CCDC42: variants seen among roughly 807,000 people sequenced by gnomAD.
CCDC42 encodes the protein coiled-coil domain-containing protein 42.
Under a neutral mutation model 40.8 loss-of-function variants are expected in CCDC42, and 38 were observed. The observed-to-expected ratio is 0.93, with a 90% CI of 0.72 to 1.22. The LOEUF (loss-of-function observed/expected upper bound fraction) is 1.22. CCDC42 is among the 50% of genes most tolerant of loss of function. The probability of loss-of-function intolerance (pLI) is 0.00; values close to 1 mark genes in which losing one functional copy is unlikely to be tolerated. For missense variants in CCDC42, 379 were observed against 416.5 expected, an observed-to-expected ratio of 0.91 and a Z score of 0.78; for synonymous variants, 135 against 157.5, an observed-to-expected ratio of 0.86 and a Z score of 1.07.
At chr17:8,741,409 C>A in intron 4 of CCDC42, 65 bp downstream of exon 4, 1 of 1,500,094 alleles carries the variant, frequency 6.7e-7, no homozygotes, top group South Asian at 1.1e-5. Context: ...TGGCCCCAGG[C>A]CCCGGGGAAG....
At chr17:8,741,325 G>A (rs757884843) in intron 4 of CCDC42, 149 bp downstream of exon 4, 30 of 763,414 alleles carry the variant, frequency 3.9e-5, no homozygotes, top group Non-Finnish European at 6.6e-5. Flanking sequence ...TCGGAGCAGG[G>A]TGCCCATCCT....
intron 2 of CCDC42, 26 bp downstream of exon 2, chr17:8,744,053 T>C: frequency 1.6e-5 from 20 of 1,281,866 alleles, no homozygotes; most frequent in South Asian, 3.7e-5. Flanking sequence ...TTCCTGCCCC[T>C]CTGCACTCCA....
rs781487670 is a variant in CCDC42 at position 8,735,672 on chromosome 17, G to A, written c.493-61C>T. 5.8e-5 allele frequency: 84 copies of A among 1,436,038 alleles called. No individual in the cohort carries two copies. The Admixed American group carries it at 9.4e-4, about 16-fold the overall frequency. The allele number at this position is 1,436,038 out of a possible 1,614,324, so 89.0% of individuals were successfully genotyped here. On this transcript the variant is annotated intron_variant, in intron 4 of 6. Transcript: ENST00000293845. This position sits in a 1 kb window ranked among gnomAD's most constrained non-coding sequence, Gnocchi z 4.7. Reference sequence around the variant, plus strand: ...CCCTGGGGCCTGAGGGAGCCACCCAGTCCTGCCAACCTCCAGCCTGGATGC... The same window carrying A: ...CCCTGGGGCCTGAGGGAGCCACCCAATCCTGCCAACCTCCAGCCTGGATGC...
At chr17:8,732,606 C>G (rs1052353289) in intron 6 of CCDC42, among the ~76,000 whole-genome samples, 19 of 152,288 alleles carry the variant, frequency 1.2e-4, no homozygotes, top group African/African-American at 4.6e-4. Context: ...GTCACATGCC[C>G]CAAAGGAGTC....
At position 8,744,067 on chromosome 17, in the gene CCDC42, C is replaced by T; in HGVS notation, c.189+12G>A. Reference sequence around the variant, plus strand: ...TTTCCTGCCCCTCTGCACTCCATCCCTGAGTCCCCACCTTCTTCTTCTGCA... The same window carrying T: ...TTTCCTGCCCCTCTGCACTCCATCCTTGAGTCCCCACCTTCTTCTTCTGCA... On this transcript the variant is annotated intron_variant, in intron 2 of 6. Coordinates refer to ENST00000293845, the MANE Select transcript of CCDC42 (RefSeq NM_144681.3). The T allele has an allele frequency of 6.2e-7, 1 of 1,603,102 alleles. No individual in the cohort carries two copies. Among genetic ancestry groups the T allele is most frequent in the Admixed American group, 1.7e-5 (1 of 59,462 alleles).
In CCDC42 at chr17:8,735,295, GTGTGTGTGTGTTTGTGTGTA is replaced by G; in HGVS notation, c.715-61_715-42del. On this transcript the variant is annotated intron_variant, in intron 5 of 6. Coordinates refer to ENST00000293845, the MANE Select transcript of CCDC42 (RefSeq NM_144681.3). This position sits in a 1 kb window ranked among gnomAD's most constrained non-coding sequence, Gnocchi z 4.7. ...GGACGGGGCATGAGCACAGCATGTGGTGTGTGTGTGTTTGTGTGTATGTGTGTGTGTGTATGCTCAGGGCC... is the reference window on the plus strand; with the variant it reads ...GGACGGGGCATGAGCACAGCATGTGGTGTGTGTGTGTGTATGCTCAGGGCC... 1.2e-6 allele frequency: 2 copies of G among 1,603,874 alleles called. No individual in the cohort carries two copies. The highest frequency in any genetic ancestry group is 1.7e-6 in the Non-Finnish European group (2 of 1,171,852).
chr17:8,732,367 A>G (rs1264580836), intron 6 of CCDC42, among the ~76,000 whole-genome samples: 1 of 151,432 alleles, frequency 6.6e-6, no homozygotes, highest in Non-Finnish European at 1.5e-5. Context: ...AAATAAAAAA[A>G]GGATTTCAGT....
At chr17:8,742,137 G>C (rs2086649578) in intron 3 of CCDC42, among the ~76,000 whole-genome samples, 1 of 152,136 alleles carries the variant, frequency 6.6e-6, no homozygotes, top group African/African-American at 2.4e-5. Context: ...TGTGGTTTCT[G>C]TTCTTAGTGG....
intron 6 of CCDC42, among the ~76,000 whole-genome samples, chr17:8,733,618 G>A (rs1227210860): frequency 6.6e-6 from 1 of 152,168 alleles, no homozygotes; most frequent in Non-Finnish European, 1.5e-5. Context: ...AGCCTCCCGA[G>A]TAGCTGGGAT....
At chr17:8,743,513 A>G (rs374410885) in intron 3 of CCDC42, 113 bp downstream of exon 3, 1 of 725,030 alleles carries the variant, frequency 1.4e-6, no homozygotes, top group Middle Eastern at 3.6e-4. Context: ...AGCACTAAGG[A>G]TGCTTTTTAA....
chr17:8,743,820 C>A (rs921976117), intron 2 of CCDC42, 90 bp from the exon 3 acceptor site: 3 of 811,718 alleles, frequency 3.7e-6, no homozygotes, highest in Admixed American at 2.0e-5. Context: ...CCCAGAGGCT[C>A]CATCCCCAGG....
At chr17:8,739,988 T>A (rs755678498) in intron 4 of CCDC42, among the ~76,000 whole-genome samples, 1 of 152,132 alleles carries the variant, frequency 6.6e-6, no homozygotes, top group Admixed American at 6.6e-5. Context: ...GTGGGACTCA[T>A]GCATGAGTAA....
At chr17:8,731,587 C>T (rs2086580320) in intron 6 of CCDC42, among the ~76,000 whole-genome samples, 1 of 152,204 alleles carries the variant, frequency 6.6e-6, no homozygotes, top group Non-Finnish European at 1.5e-5. Flanking sequence ...AGAATGAGAT[C>T]ACGTCCTTTG....
intron 3 of CCDC42, among the ~76,000 whole-genome samples, chr17:8,742,342 A>C (rs1020222940): frequency 6.6e-6 from 1 of 152,182 alleles, no homozygotes; most frequent in African/African-American, 2.4e-5. Flanking sequence ...GCCTGGTGCC[A>C]TAGGGCCTGG....
chr17:8,743,402 G>A lies in CCDC42; in HGVS notation c.294+224C>T, dbSNP rs55771520. Among the ~76,000 whole-genome samples the A allele has an allele frequency of 1.4e-3, 213 of 152,334 alleles. 1 individual carries two copies. Among genetic ancestry groups the A allele is most frequent in the Middle Eastern group, 6.8e-3 (2 of 294 alleles). On this transcript the variant is annotated intron_variant, in intron 3 of 6. Coordinates refer to ENST00000293845, the MANE Select transcript of CCDC42 (RefSeq NM_144681.3). The stretch of plus-strand genomic sequence containing the variant: ...GGTACTGGAAAAGAAATAGGAAACA[G>A]CCATCTAGAGGGAGCAGAGACTGAT...
intron 4 of CCDC42, among the ~76,000 whole-genome samples, chr17:8,736,485 C>T (rs909016937): frequency 6.6e-6 from 1 of 152,238 alleles, no homozygotes; most frequent in African/African-American, 2.4e-5. Flanking sequence ...TAGAAGGCAG[C>T]ATGAACACCA....
intron 1 of CCDC42, 87 bp from the exon 2 acceptor site, chr17:8,744,271 T>C: frequency 2.0e-6 from 2 of 1,011,786 alleles, no homozygotes; most frequent in Non-Finnish European, 3.0e-6. Flanking sequence ...CAGATACCCA[T>C]GGGGAAGCAG....
At chr17:8,737,800 G>A (rs1235835895) in intron 4 of CCDC42, among the ~76,000 whole-genome samples, 4 of 152,164 alleles carry the variant, frequency 2.6e-5, no homozygotes, top group African/African-American at 7.2e-5. Context: ...CAAACCAACT[G>A]TACAAAAAGC....
chr17:8,735,224 C>T lies in CCDC42; in HGVS notation c.745G>A (p.Ala249Thr), dbSNP rs1741402324. The T allele has an allele frequency of 3.7e-6, 6 of 1,614,000 alleles. No homozygotes were observed. The highest frequency in any genetic ancestry group is 1.3e-5 in the African/African-American group (1 of 74,880). The change falls in exon 6 of 7, where the codon GCA (alanine) becomes ACA (threonine). Residue 249 changes from alanine to threonine, a missense_variant. Physicochemically the swap from Ala to Thr is moderately conservative, Grantham distance 58 (BLOSUM62 0). Transcript: ENST00000293845. The surrounding 1 kb of genome is among the most constrained non-coding windows in gnomAD (Gnocchi z 4.7). The part of the protein sequence containing the change: ...ESRWAHIQNT[A>T]AKKTLLLGTI... Reference sequence around the variant, plus strand: ...CCAAGCAGGAGGGTCTTCTTGGCTGCGGTGTTCTGGATGTGCGCCCAGCGA... The same window carrying T: ...CCAAGCAGGAGGGTCTTCTTGGCTGTGGTGTTCTGGATGTGCGCCCAGCGA...
Sources: allele counts gnomAD v4.1 joint callset (sites outside exome capture counted in the v4.1 genomes callset), GRCh38; gene constraint gnomAD v4.1.1; non-coding constraint Gnocchi (gnomAD v3.1); transcripts MANE v1.5; gene names NCBI Gene and HGNC (gene_info 2026-07-23, HGNC 2026-07-21).